Variants in SLC23A2 observed in about 807,000 individuals in gnomAD.
SLC23A2 encodes the protein solute carrier family 23 member 2.
Under a neutral mutation model 73.3 loss-of-function variants are expected in SLC23A2, and 36 were observed. That is an observed-to-expected ratio of 0.49 (90% confidence interval 0.38 to 0.65). The LOEUF is 0.65. Among genes scored for constraint, SLC23A2 ranks in the 30% least tolerant of loss-of-function variants. The probability of loss-of-function intolerance (pLI) is 0.00; values close to 1 mark genes in which losing one functional copy is unlikely to be tolerated. For missense variants in SLC23A2, 507 were observed against 841.6 expected, an observed-to-expected ratio of 0.60 and a Z score of 4.92; for synonymous variants, 343 against 327.3, an observed-to-expected ratio of 1.05 and a Z score of -0.52.
intron 2 of SLC23A2, among the ~76,000 whole-genome samples, chr20:4,945,209 T>C (rs1201522896): frequency 5.9e-5 from 9 of 152,152 alleles, no homozygotes; most frequent in Non-Finnish European, 1.5e-5. Flanking sequence ...TGATGACAAG[T>C]ATGCTCACAG....
chr20:4,881,384 T>A (rs1390292825), intron 9 of SLC23A2, among the ~76,000 whole-genome samples: 1 of 152,184 alleles, frequency 6.6e-6, no homozygotes, highest in Non-Finnish European at 1.5e-5. Context: ...GGATCAAGTG[T>A]GGAGGCACCC....
intron 4 of SLC23A2, among the ~76,000 whole-genome samples, chr20:4,903,139 A>G (rs1162341292): frequency 6.6e-6 from 1 of 152,224 alleles, no homozygotes. Flanking sequence ...TTAAAAAACA[A>G]AACATTAAAA....
intron 1 of SLC23A2, among the ~76,000 whole-genome samples, chr20:4,972,160 G>A (rs980518991): frequency 1.3e-5 from 2 of 152,158 alleles, no homozygotes; most frequent in Admixed American, 6.6e-5. Flanking sequence ...CCTCCCTTGT[G>A]AAGAAAAACG....
chr20:4,915,934 C>T (rs554981159), intron 3 of SLC23A2, among the ~76,000 whole-genome samples: 3 of 151,962 alleles, frequency 2.0e-5, no homozygotes, highest in Admixed American at 1.3e-4. Flanking sequence ...GTCAACAGAG[C>T]GAGACTCCAT....
At chr20:4,969,638 G>A (rs1348270989) in intron 2 of SLC23A2, among the ~76,000 whole-genome samples, 2 of 146,304 alleles carry the variant, frequency 1.4e-5, no homozygotes, top group Admixed American at 1.4e-4. Flanking sequence ...AGGCTAGAGT[G>A]CGCTGGCACA....
intron 2 of SLC23A2, among the ~76,000 whole-genome samples, chr20:4,964,847 G>A (rs996232167): frequency 6.1e-4 from 53 of 86,212 alleles, no homozygotes; most frequent in South Asian, 1.1e-3. Context: ...AAAAAAAAAA[G>A]AAGAAAAGAA....
intron 2 of SLC23A2, among the ~76,000 whole-genome samples, chr20:4,964,469 A>G (rs1304468600): frequency 6.6e-6 from 1 of 152,132 alleles, no homozygotes; most frequent in African/African-American, 2.4e-5. Context: ...GTAATCCAAA[A>G]CCGGAGGGGA....
chr20:4,869,786 C>T lies in SLC23A2; in HGVS notation c.1250+120G>A, dbSNP rs903273559. The T allele has an allele frequency of 4.4e-5, 36 of 823,672 alleles. No individual in the cohort carries two copies. The African/African-American group carries it at 4.9e-4, about 11-fold the overall frequency. 51.0% of individuals were successfully genotyped at this position (823,672 alleles called of 1,614,324 possible). A position where few individuals can be genotyped will look rare whatever the true frequency, so the allele number is the denominator to read the frequency against. ...TGATGCATCAAACAGTCGCTAGAGT[C>T]CTGCTGCTTGGCTGGGCTCCTGCTG... On this transcript the variant is annotated intron_variant, in intron 12 of 16. Coordinates refer to ENST00000338244, the MANE Select transcript of SLC23A2 (RefSeq NM_005116.6).
At chr20:4,886,909 C>A (rs1016977120) in intron 6 of SLC23A2, among the ~76,000 whole-genome samples, 4 of 152,134 alleles carry the variant, frequency 2.6e-5, no homozygotes, top group African/African-American at 9.7e-5. Context: ...GGCAGCAAGT[C>A]CTACCCACAG....
chr20:4,980,345 A>G (rs1205680213), intron 1 of SLC23A2, among the ~76,000 whole-genome samples: 1 of 152,138 alleles, frequency 6.6e-6, no homozygotes, highest in East Asian at 1.9e-4. Context: ...CTAAATACCT[A>G]ATAGAAGGAT....
rs1930565820 is a variant in SLC23A2, at chr20:4,874,186, G to A, written c.946-94C>T. On this transcript the variant is annotated intron_variant, in intron 10 of 16. Transcript: ENST00000338244. ...CCCGCGGTCGGAATATCACACCCCA[G>A]AGCCCACCACAGTCAGTACTTTGCA... The A allele has an allele frequency of 7.5e-6, 9 of 1,200,724 alleles. No homozygotes were observed. The South Asian group carries it at 1.1e-4, about 15-fold the overall frequency. The allele number at this position is 1,200,724 out of a possible 1,614,324, so 74.4% of individuals were successfully genotyped here. A position where few individuals can be genotyped will look rare whatever the true frequency, so the allele number is the denominator to read the frequency against.
chr20:4,991,421 T>C lies in SLC23A2; in HGVS notation c.-282+9985A>G, dbSNP rs543196468. 2.6e-5 allele frequency among the ~76,000 whole-genome samples: 4 copies of C among 152,096 alleles called. No homozygotes were observed. The South Asian group carries it at 8.3e-4, about 32-fold the overall frequency. ...CACATGTCCAGTCCAGCAAATACTTTAAAATAAAGAATAAGTAATCAGCCA... is the reference window on the plus strand; with the variant it reads ...CACATGTCCAGTCCAGCAAATACTTCAAAATAAAGAATAAGTAATCAGCCA... On this transcript the variant is annotated intron_variant, in intron 1 of 16. Coordinates refer to ENST00000338244, the MANE Select transcript of SLC23A2 (RefSeq NM_005116.6).
At chr20:4,930,857 T>C (rs1429612185) in intron 3 of SLC23A2, among the ~76,000 whole-genome samples, 2 of 151,620 alleles carry the variant, frequency 1.3e-5, no homozygotes, top group Non-Finnish European at 2.9e-5. Context: ...GTTGGTGGCA[T>C]GCATCCATAA....
intron 4 of SLC23A2, among the ~76,000 whole-genome samples, chr20:4,905,916 C>T (rs1419849428): frequency 6.6e-6 from 1 of 152,220 alleles, no homozygotes; most frequent in Non-Finnish European, 1.5e-5. Flanking sequence ...GGCTTGCCAA[C>T]CCCCGCTGTA....
At chr20:4,896,505 C>T (rs1176604746) in intron 6 of SLC23A2, among the ~76,000 whole-genome samples, 1 of 152,210 alleles carries the variant, frequency 6.6e-6, no homozygotes, top group Non-Finnish European at 1.5e-5. Flanking sequence ...CAAAGGCTCT[C>T]TCTAAGCCGC....
At chr20:4,887,304 A>G (rs970731788) in intron 6 of SLC23A2, among the ~76,000 whole-genome samples, 2 of 152,216 alleles carry the variant, frequency 1.3e-5, no homozygotes, top group African/African-American at 4.8e-5. Context: ...CATAAGCACA[A>G]ATTTTCAGGA....
At chr20:4,906,489 G>A (rs892536333) in intron 4 of SLC23A2, among the ~76,000 whole-genome samples, 2 of 152,038 alleles carry the variant, frequency 1.3e-5, no homozygotes, top group Admixed American at 6.5e-5. Context: ...GTGTGGTGGC[G>A]TACACCTGTA....
At chr20:4,950,858 A>T (rs138926202) in intron 2 of SLC23A2, among the ~76,000 whole-genome samples, 1,541 of 152,310 alleles carry the variant, frequency 0.01, 27 homozygotes, top group African/African-American at 0.035. Flanking sequence ...TTCCTGGAGA[A>T]AAGCAGCTGT....
chr20:4,936,443 G>A (rs1253104146), intron 2 of SLC23A2, among the ~76,000 whole-genome samples: 2 of 152,042 alleles, frequency 1.3e-5, no homozygotes, highest in African/African-American at 4.8e-5. Flanking sequence ...ATCAACTTTA[G>A]GGAAAATGAT....
Sources: gnomAD v4.1 joint callset for allele counts (sites outside exome capture counted in the v4.1 genomes callset) on GRCh38, gnomAD v4.1.1 for gene constraint, MANE v1.5 for transcripts, NCBI Gene and HGNC (gene_info 2026-07-23, HGNC 2026-07-21) for gene names.